Variants in SLC5A10 observed in about 807,000 individuals in gnomAD.
SLC5A10 encodes the protein solute carrier family 5 member 10.
Under a neutral mutation model 68.9 loss-of-function variants are expected in SLC5A10, and 55 were observed. The ratio of observed to expected loss-of-function variants is 0.80; its 90% CI spans 0.64 to 1.00. The LOEUF (loss-of-function observed/expected upper bound fraction) is 1.00, where lower values mean the gene tolerates loss of function less well. Ranked by LOEUF, SLC5A10 falls within the 50% of genes least tolerant of loss-of-function variation. The probability of loss-of-function intolerance (pLI) is 0.00; values close to 1 mark genes in which losing one functional copy is unlikely to be tolerated. For missense variants in SLC5A10, 732 were observed against 819.3 expected, an observed-to-expected ratio of 0.89 and a Z score of 1.30; for synonymous variants, 344 against 344.8, an observed-to-expected ratio of 1.00 and a Z score of 0.02.
intron 1 of SLC5A10, among the ~76,000 whole-genome samples, chr17:18,952,708 T>C (rs2042394987): frequency 6.6e-6 from 1 of 151,698 alleles, no homozygotes; most frequent in Non-Finnish European, 1.5e-5. Context: ...AGCTGCTGGA[T>C]CAGAATCCGG....
At chr17:18,980,451 C>A (rs985942857) in intron 9 of SLC5A10, among the ~76,000 whole-genome samples, 4 of 152,134 alleles carry the variant, frequency 2.6e-5, no homozygotes, top group Admixed American at 1.3e-4. Context: ...AGGAGCACAG[C>A]GGGCCCCTCA....
chr17:18,959,235 G>A lies in SLC5A10; in HGVS notation c.284G>A (p.Trp95Ter), dbSNP rs375900675. ...AGGLAVAGFE[W>*]NATYVLLALA... is the part of the protein sequence containing the mutation. Reference sequence around the variant, plus strand: ...GGTCTGGCCGTGGCAGGCTTCGAGTGGAATGTGAGTCCTGGAGGACTGGCG... The same window carrying A: ...GGTCTGGCCGTGGCAGGCTTCGAGTAGAATGTGAGTCCTGGAGGACTGGCG... The change falls in exon 3 of 15, where the codon TGG becomes TAG. Residue 95 changes from tryptophan (W) to a stop codon, truncating the protein, a stop_gained. Transcript: ENST00000395645. LOFTEE classifies it high-confidence loss of function. 19 of 1,612,970 alleles carry A rather than the reference G, an allele frequency of 1.2e-5. No homozygotes were observed. Among genetic ancestry groups the A allele is most frequent in the Non-Finnish European group, 1.4e-5 (16 of 1,179,972 alleles).
intron 5 of SLC5A10, among the ~76,000 whole-genome samples, chr17:18,961,599 T>C (rs1330590886): frequency 6.6e-6 from 1 of 152,178 alleles, no homozygotes; most frequent in Non-Finnish European, 1.5e-5. Flanking sequence ...CATTCAGTCC[T>C]GGGACTAGGA....
Position 18,971,882 on chromosome 17 carries a change from G to T in SLC5A10, c.846+664G>T. On this transcript the variant is annotated intron_variant, in intron 8 of 14. Coordinates refer to ENST00000395645, the MANE Select transcript of SLC5A10 (RefSeq NM_001042450.4). The surrounding 1 kb of genome is among the most constrained non-coding windows in gnomAD (Gnocchi z 5.5). Reference sequence around the variant, plus strand: ...GGCTCTGCCATTCACCAGGGAGTGGGCCTAGACCAGTTGGTTTAGTCACTC... The same window carrying T: ...GGCTCTGCCATTCACCAGGGAGTGGTCCTAGACCAGTTGGTTTAGTCACTC... The T allele has an allele frequency of 1.1e-6, 1 of 901,484 alleles. No homozygotes were observed. The highest frequency in any genetic ancestry group is 1.6e-6 in the Non-Finnish European group (1 of 611,510). The allele number at this position is 901,484 out of a possible 1,614,324, so 55.8% of individuals were successfully genotyped here.
At chr17:18,962,647 T>C (rs1429473189) in intron 5 of SLC5A10, among the ~76,000 whole-genome samples, 1 of 151,596 alleles carries the variant, frequency 6.6e-6, no homozygotes, top group African/African-American at 2.4e-5. Context: ...GCGGGGGTGG[T>C]GTTTAGGAGC....
At chr17:18,980,090 G>C (rs2043091845) in intron 9 of SLC5A10, among the ~76,000 whole-genome samples, 1 of 152,098 alleles carries the variant, frequency 6.6e-6, no homozygotes, top group Non-Finnish European at 1.5e-5. Flanking sequence ...ATGGCTAGGG[G>C]GTGATGCAGC....
chr17:18,970,972 G>A (rs1349160638), intron 7 of SLC5A10, 41 bp from the exon 8 acceptor site: 20 of 1,595,996 alleles, frequency 1.3e-5, no homozygotes, highest in African/African-American at 6.7e-5. Context: ...TCAGGGCCCC[G>A]CAACCACCAA....
At chr17:18,992,307 C>T (rs2043447504) in intron 9 of SLC5A10, among the ~76,000 whole-genome samples, 1 of 152,138 alleles carries the variant, frequency 6.6e-6, no homozygotes, top group Non-Finnish European at 1.5e-5. Flanking sequence ...GATGCAGAAA[C>T]TGCAGCTGGG....
At chr17:19,008,656 C>G (rs113707394) in intron 9 of SLC5A10, among the ~76,000 whole-genome samples, 1 of 151,802 alleles carries the variant, frequency 6.6e-6, no homozygotes, top group Non-Finnish European at 1.5e-5. Context: ...CCTGCCACCA[C>G]GCCCTGCTAA....
chr17:18,965,472 G>A (rs1362377429), intron 5 of SLC5A10, among the ~76,000 whole-genome samples: 1 of 152,260 alleles, frequency 6.6e-6, no homozygotes, highest in Non-Finnish European at 1.5e-5. Context: ...AGAGCGGGCA[G>A]GGCAAGGGCC....
Position 19,022,479 on chromosome 17 carries a change from A to C in SLC5A10, c.*2048A>C, listed in dbSNP as rs1597924649. 3 of 263,916 alleles carry C rather than the reference A, an allele frequency of 1.1e-5. No individual in the cohort carries two copies. Among genetic ancestry groups the C allele is most frequent in the Non-Finnish European group, 7.1e-6 (1 of 140,564 alleles). The allele number at this position is 263,916 out of a possible 1,614,324, so 16.3% of individuals were successfully genotyped here. On this transcript the variant is annotated 3_prime_UTR_variant, in exon 15 of 15. Coordinates refer to ENST00000395645, the MANE Select transcript of SLC5A10 (RefSeq NM_001042450.4). ...CCCTGCTTCTCTTGGGATCTTATTT[A>C]CCCGACTCTGCAGCAGCCATGGTAG...
chr17:18,958,072 T>C (rs528918494), intron 1 of SLC5A10, among the ~76,000 whole-genome samples: 2 of 152,270 alleles, frequency 1.3e-5, no homozygotes, highest in South Asian at 4.1e-4. Context: ...ATTCCCAAGA[T>C]ATTTGTTGTT....
intron 7 of SLC5A10, chr17:18,970,132 G>A (rs546710186): frequency 2.6e-5 from 4 of 152,284 alleles, no homozygotes; most frequent in African/African-American, 4.8e-5. Flanking sequence ...AGCCTGACCT[G>A]AGCTCCATGG....
At chr17:18,963,811 T>C (rs991629071) in intron 5 of SLC5A10, among the ~76,000 whole-genome samples, 1 of 152,180 alleles carries the variant, frequency 6.6e-6, no homozygotes, top group African/African-American at 2.4e-5. Context: ...CCCAGCTCCA[T>C]CATTGTGGGG....
At chr17:18,994,680 CA>C (rs2043519781) in intron 9 of SLC5A10, among the ~76,000 whole-genome samples, 2 of 152,146 alleles carry the variant, frequency 1.3e-5, no homozygotes, top group South Asian at 4.2e-4. Flanking sequence ...ACAGGTCCTG[CA>C]GGGGGTGTCC....
Position 18,971,153 on chromosome 17 carries a change from C to G in SLC5A10, c.781C>G (p.Leu261Val). ...HMFRDPHTGDLPWTGMTFGLT... is the reference protein window; with the variant it reads ...HMFRDPHTGDVPWTGMTFGLT... ...GTTTCGAGACCCCCACACAGGGGAC[C>G]TGCCGTGGACCGGGATGACCTTTGG... is the stretch of plus-strand genomic sequence containing the variant. Residue 261 changes from leucine to valine, a missense_variant, in exon 8 of 15, where the codon CTG becomes GTG. Coordinates refer to ENST00000395645, the MANE Select transcript of SLC5A10 (RefSeq NM_001042450.4). This position sits in a 1 kb window ranked among gnomAD's most constrained non-coding sequence, Gnocchi z 5.5. 1 of 1,614,124 alleles carries G rather than the reference C, an allele frequency of 6.2e-7. No individual in the cohort carries two copies. The highest frequency in any genetic ancestry group is 8.5e-7 in the Non-Finnish European group (1 of 1,180,048).
intron 9 of SLC5A10, among the ~76,000 whole-genome samples, chr17:19,002,903 A>G (rs2043767156): frequency 6.6e-6 from 1 of 152,080 alleles, no homozygotes; most frequent in Non-Finnish European, 1.5e-5. Context: ...GACTCACTCC[A>G]CTTCCACAGA....
chr17:18,993,087 C>T (rs567023347), intron 9 of SLC5A10, among the ~76,000 whole-genome samples: 3 of 152,264 alleles, frequency 2.0e-5, no homozygotes, highest in East Asian at 3.9e-4. Context: ...GGCCTGGTTC[C>T]GAGCATGGTG....
chr17:18,999,333 G>A (rs993340369), intron 9 of SLC5A10, among the ~76,000 whole-genome samples: 4 of 152,132 alleles, frequency 2.6e-5, no homozygotes, highest in African/African-American at 9.7e-5. Context: ...ACAGGATCCA[G>A]CAGTGAGGCT....
Sources: allele counts gnomAD v4.1 joint callset (sites outside exome capture counted in the v4.1 genomes callset), GRCh38; gene constraint gnomAD v4.1.1; non-coding constraint Gnocchi (gnomAD v3.1); transcripts MANE v1.5; gene names NCBI Gene and HGNC (gene_info 2026-07-23, HGNC 2026-07-21).